Variants in CERT1 observed in about 807,000 individuals in gnomAD.
The protein encoded by CERT1 is ceramide transfer protein.
CERT1 carries 31 observed loss-of-function variants against 87.9 expected under a neutral mutation model. The observed-to-expected ratio is 0.35, with a 90% CI of 0.27 to 0.48. The LOEUF (loss-of-function observed/expected upper bound fraction) is 0.48, where lower values mean the gene tolerates loss of function less well. CERT1 is among the 20% of genes least tolerant of loss of function. The probability of loss-of-function intolerance (pLI) is 0.99; values close to 1 mark genes in which losing one functional copy is unlikely to be tolerated. For missense variants in CERT1, 487 were observed against 758.0 expected (o/e 0.64, Z 4.20); for synonymous variants, 289 against 250.9 (o/e 1.15, Z -1.44).
chr5:75,434,186 GT>G (rs370209071), intron 3 of CERT1, among the ~76,000 whole-genome samples: 1,978 of 126,732 alleles, frequency 0.016, 11 homozygotes, highest in African/African-American at 0.018. Flanking sequence ...GTTTGTTGAG[GT>G]TTTTTTTTTT....
intron 2 of CERT1, among the ~76,000 whole-genome samples, chr5:75,470,061 C>T (rs1457625265): frequency 6.6e-6 from 1 of 151,926 alleles, no homozygotes; most frequent in African/African-American, 2.4e-5. Context: ...ATATATAAAG[C>T]ATATATTAAC....
At chr5:75,511,634 T>C, upstream of CERT1, 2 of 1,482,508 alleles carry the variant, frequency 1.3e-6, no homozygotes, top group South Asian at 1.3e-5. Flanking sequence ...CTATTTACCC[T>C]CCCCTCCCCT....
In CERT1 at chr5:75,506,111, T is replaced by C. The variant is rs960763260; in HGVS notation, c.102A>G (p.Thr34=). The C allele has an allele frequency of 6.2e-7, 1 of 1,613,240 alleles. No individual in the cohort carries two copies. Among genetic ancestry groups the C allele is most frequent in the Non-Finnish European group, 8.5e-7 (1 of 1,179,466 alleles). Reference sequence around the variant, plus strand: ...GATCCTGCCACCCATGAATGTAGTTTGTCCACTGGGAGTGGGAAGGGGAAG... The same window carrying C: ...GATCCTGCCACCCATGAATGTAGTTCGTCCACTGGGAGTGGGAAGGGGAAG... ...VERCGVLSKW[T]NYIHGWQDRW... is the part of the protein sequence containing the mutation. The change falls in exon 2 of 17, where the codon ACA becomes ACG. Residue 34 remains threonine (T), a synonymous_variant. Coordinates refer to ENST00000643780, the MANE Select transcript of CERT1 (RefSeq NM_001379029.1).
chr5:75,410,520 G>A (rs1380668553), intron 8 of CERT1, among the ~76,000 whole-genome samples: 2 of 151,062 alleles, frequency 1.3e-5, no homozygotes, highest in Non-Finnish European at 2.9e-5. Context: ...TGAGGCAGGA[G>A]AATGGCGTGA....
At chr5:75,398,978 C>T (rs997019167) in intron 11 of CERT1, among the ~76,000 whole-genome samples, 6 of 152,204 alleles carry the variant, frequency 3.9e-5, no homozygotes, top group African/African-American at 1.4e-4. Context: ...ATATAGACCA[C>T]GTCCATCAAA....
At chr5:75,414,088 A>G (rs932739495) in intron 7 of CERT1, among the ~76,000 whole-genome samples, 1 of 152,224 alleles carries the variant, frequency 6.6e-6, no homozygotes, top group Non-Finnish European at 1.5e-5. Context: ...ACTATTAAAT[A>G]TAACAACATG....
intron 17 of CERT1, chr5:75,372,089 C>A (rs1469550346): frequency 2.0e-5 from 3 of 152,142 alleles, no homozygotes; most frequent in Non-Finnish European, 4.4e-5. Flanking sequence ...AAAAGTATAT[C>A]ATCACATTTA....
At chr5:75,419,458 A>G (rs890446533) in intron 5 of CERT1, 34 bp from the exon 6 acceptor site, 18 of 1,376,030 alleles carry the variant, frequency 1.3e-5, no homozygotes, top group Non-Finnish European at 1.8e-5. Flanking sequence ...ATTAGGATGA[A>G]AAGAAATAGA....
chr5:75,430,630 A>G (rs1366907247), intron 3 of CERT1, among the ~76,000 whole-genome samples: 1 of 152,218 alleles, frequency 6.6e-6, no homozygotes, highest in East Asian at 1.9e-4. Flanking sequence ...TTAAGAATGT[A>G]AATGTAAATT....
intron 8 of CERT1, among the ~76,000 whole-genome samples, chr5:75,403,545 T>A (rs568766264): frequency 6.6e-6 from 1 of 152,364 alleles, no homozygotes; most frequent in East Asian, 1.9e-4. Context: ...GAGTTGAGAC[T>A]TATGACAGAG....
intron 9 of CERT1, chr5:75,402,476 T>G (rs1233444327): frequency 2.0e-5 from 3 of 152,170 alleles, no homozygotes; most frequent in African/African-American, 7.2e-5. Context: ...GCTTGGAAAT[T>G]CACATATAAA....
chr5:75,422,379 G>A (rs1468474336), intron 5 of CERT1, among the ~76,000 whole-genome samples: 1 of 152,170 alleles, frequency 6.6e-6, no homozygotes, highest in African/African-American at 2.4e-5. Flanking sequence ...ACTTTGGGAG[G>A]CAGAGGCAAG....
At chr5:75,412,684 T>C (rs1762979049) in intron 7 of CERT1, among the ~76,000 whole-genome samples, 1 of 152,178 alleles carries the variant, frequency 6.6e-6, no homozygotes, top group Non-Finnish European at 1.5e-5. Flanking sequence ...GGTTAAGTAT[T>C]TGTGAATCTA....
chr5:75,479,320 G>C (rs1490889458), intron 2 of CERT1, among the ~76,000 whole-genome samples: 1 of 151,944 alleles, frequency 6.6e-6, no homozygotes, highest in Non-Finnish European at 1.5e-5. Context: ...TTTAGGTTTG[G>C]GGGTACATGT....
chr5:75,397,780 G>A (rs976545810), intron 11 of CERT1, among the ~76,000 whole-genome samples: 2 of 152,286 alleles, frequency 1.3e-5, no homozygotes, highest in East Asian at 3.9e-4. Context: ...CAGCACTTTG[G>A]GAGGCCGAGG....
intron 14 of CERT1, among the ~76,000 whole-genome samples, chr5:75,384,388 A>G (rs1011874439): frequency 1.3e-5 from 2 of 152,212 alleles, no homozygotes; most frequent in Non-Finnish European, 2.9e-5. Context: ...AAAAGTGCAC[A>G]AAGGGAACTA....
At chr5:75,392,605 C>G (rs535714977) in intron 11 of CERT1, among the ~76,000 whole-genome samples, 2 of 152,232 alleles carry the variant, frequency 1.3e-5, no homozygotes, top group South Asian at 4.2e-4. Flanking sequence ...GCACTGGTGA[C>G]CAGACTGACA....
At chr5:75,372,188 T>C (rs1659702319) in intron 17 of CERT1, 1 of 152,202 alleles carries the variant, frequency 6.6e-6, no homozygotes, top group Non-Finnish European at 1.5e-5. Context: ...AATTCAGTTA[T>C]GAAAGAGTTA....
intron 3 of CERT1, among the ~76,000 whole-genome samples, chr5:75,456,339 G>C (rs1042997065): frequency 6.6e-6 from 1 of 151,956 alleles, no homozygotes; most frequent in African/African-American, 2.4e-5. Context: ...AATTAACAAT[G>C]ATTTCTCCTA....
Sources: gnomAD v4.1 joint callset for allele counts (sites outside exome capture counted in the v4.1 genomes callset) on GRCh38, gnomAD v4.1.1 for gene constraint, MANE v1.5 for transcripts, NCBI Gene and HGNC (gene_info 2026-07-23, HGNC 2026-07-21) for gene names.